ZNF451: variants seen among roughly 807,000 people sequenced by gnomAD.
The protein encoded by ZNF451 is E3 SUMO-protein ligase ZNF451.
In ZNF451, 80 loss-of-function variants were observed where a neutral mutation model predicts 107.1. The ratio of observed to expected loss-of-function variants is 0.75; its 90% CI spans 0.62 to 0.90. The LOEUF (loss-of-function observed/expected upper bound fraction) is 0.90, where lower values mean the gene tolerates loss of function less well. Among genes scored for constraint, ZNF451 ranks in the 40% least tolerant of loss-of-function variants. ZNF451 has a pLI of 0.00. For missense variants in ZNF451, 1,107 were observed against 1,236.2 expected, an observed-to-expected ratio of 0.90 and a Z score of 1.57; for synonymous variants, 362 against 406.5, an observed-to-expected ratio of 0.89 and a Z score of 1.32.
At position 57,168,752 on chromosome 6, in the gene ZNF451, TA is replaced by T. The variant is rs927607274; in HGVS notation, c.*286del. The T allele has an allele frequency of 3.4e-6, 1 of 290,840 alleles. No homozygotes were observed. Among genetic ancestry groups the T allele is most frequent in the African/African-American group, 2.2e-5 (1 of 44,810 alleles). The allele number at this position is 290,840 out of a possible 1,614,324, so 18.0% of individuals were successfully genotyped here. Reference sequence around the variant, plus strand: ...AACTTTGAATTTATATATTTAGATTTAAAGGATTAAAAAAAAGGAAAGCTCT... The same window carrying T: ...AACTTTGAATTTATATATTTAGATTTAAGGATTAAAAAAAAGGAAAGCTCT... On this transcript the variant is annotated 3_prime_UTR_variant, in exon 15 of 15. Transcript: ENST00000370706.
chr6:57,113,318 T>G (rs905838672), intron 3 of ZNF451, among the ~76,000 whole-genome samples: 6 of 147,146 alleles, frequency 4.1e-5, no homozygotes, highest in Non-Finnish European at 1.5e-5. Context: ...ATGTCATTCT[T>G]TTTTTTTTTT....
chr6:57,163,542 C>T (rs1428527196), intron 14 of ZNF451, among the ~76,000 whole-genome samples: 4 of 141,760 alleles, frequency 2.8e-5, no homozygotes, highest in African/African-American at 7.8e-5. Context: ...GCTCCGCCTC[C>T]CGGGTTCACG....
chr6:57,106,811 C>A, intron 3 of ZNF451: 1 of 985,012 alleles, frequency 1.0e-6, no homozygotes, highest in Non-Finnish European at 1.2e-6. Context: ...AGTAGATACA[C>A]AAACCAGTCT....
At chr6:57,108,560 G>C (rs867445643) in intron 3 of ZNF451, 2 of 985,198 alleles carry the variant, frequency 2.0e-6, no homozygotes, top group East Asian at 1.1e-4. Flanking sequence ...CTACTGTTAG[G>C]TATGCAGCCC....
intron 3 of ZNF451, chr6:57,102,972 A>G (rs958352380): frequency 1.0e-6 from 1 of 985,394 alleles, no homozygotes; most frequent in Non-Finnish European, 1.2e-6. Context: ...GTAGTCTCTC[A>G]CTGTAAGCTG....
Position 57,168,541 on chromosome 6 carries a change from T to C in ZNF451, c.*72T>C, listed in dbSNP as rs1764003462. 1 of 1,220,080 alleles carries C rather than the reference T, an allele frequency of 8.2e-7. No individual in the cohort carries two copies. Among genetic ancestry groups the C allele is most frequent in the Non-Finnish European group, 1.2e-6 (1 of 840,610 alleles). 75.6% of individuals were successfully genotyped at this position (1,220,080 alleles called of 1,614,324 possible). ...ATAACGAATTCTTGAGTTTGTTTTC[T>C]AAAGGAGACCAGAAATCCACTATTA... is the stretch of plus-strand genomic sequence containing the variant. On this transcript the variant is annotated 3_prime_UTR_variant, in exon 15 of 15. Coordinates refer to ENST00000370706, the MANE Select transcript of ZNF451 (RefSeq NM_001031623.3).
In ZNF451 at chr6:57,124,798, G is replaced by T. The variant is rs763095241; in HGVS notation, c.251G>T (p.Arg84Leu). The T allele has an allele frequency of 1.7e-5, 27 of 1,611,014 alleles. No individual in the cohort carries two copies. Among genetic ancestry groups the T allele is most frequent in the Non-Finnish European group, 2.3e-5 (27 of 1,177,862 alleles). Residue 84 changes from arginine (R) to leucine (L), a missense_variant, in exon 4 of 15, where the codon CGT becomes CTT. By Grantham distance (102) the Arg-to-Leu change is moderately radical. Coordinates refer to ENST00000370706, the MANE Select transcript of ZNF451 (RefSeq NM_001031623.3). ...GATAAAGTTGCTTTAACTCTGGCTC[G>T]TCTAGCCCGCCATGTTGAAGTGGAG... ...QKDKVALTLA[R>L]LARHVEVEKQ...
intron 14 of ZNF451, among the ~76,000 whole-genome samples, chr6:57,161,637 C>T (rs1763677676): frequency 6.6e-6 from 1 of 152,068 alleles, no homozygotes; most frequent in Non-Finnish European, 1.5e-5. Flanking sequence ...TAAAAGCAAG[C>T]ACTTATATCT....
intron 2 of ZNF451, among the ~76,000 whole-genome samples, chr6:57,098,233 A>C (rs1434804171): frequency 6.6e-6 from 1 of 151,104 alleles, no homozygotes; most frequent in Non-Finnish European, 1.5e-5. Flanking sequence ...TCTGTACTAA[A>C]AGTACACAAA....
rs760850598 is a variant in ZNF451, at chr6:57,148,622, A to G, written c.2537A>G (p.Gln846Arg). Residue 846 changes from glutamine (Q) to arginine (R), a missense_variant, in exon 10 of 15, where the codon CAG (glutamine) becomes CGG (arginine). By Grantham distance (43) the Gln-to-Arg change is conservative. Transcript: ENST00000370706. ...SASHTERKLK[Q>R]AINYSKSLDM... ...TCACATACAGAGAGAAAACTGAAAC[A>G]GGCAATAAACTATTCAAAAAGTTTA... The G allele has an allele frequency of 6.2e-6, 10 of 1,614,106 alleles. No homozygotes were observed. Among genetic ancestry groups the G allele is most frequent in the East Asian group, 4.5e-5 (2 of 44,882 alleles).
chr6:57,118,633 C>T (rs1450982766), intron 3 of ZNF451, among the ~76,000 whole-genome samples: 1 of 151,758 alleles, frequency 6.6e-6, no homozygotes, highest in Non-Finnish European at 1.5e-5. Flanking sequence ...TAGGCACATG[C>T]CACCACACCC....
At position 57,099,129 on chromosome 6, in the gene ZNF451, C is replaced by A. The variant is rs750268904; in HGVS notation, c.174C>A (p.Thr58=). The A allele has an allele frequency of 9.9e-6, 16 of 1,609,750 alleles. No homozygotes were observed. Among genetic ancestry groups the A allele is most frequent in the Non-Finnish European group, 1.4e-5 (16 of 1,176,158 alleles). Residue 58 remains threonine, a synonymous_variant, in exon 3 of 15, where the codon ACC becomes ACA. Transcript: ENST00000370706. ...LVSSDDEEPS[T]SYTDENIKRK... ...GCAGTGATGATGAAGAGCCTAGCACCTCTTATACTGATGTAAGTACATTAT... is the reference window on the plus strand; with the variant it reads ...GCAGTGATGATGAAGAGCCTAGCACATCTTATACTGATGTAAGTACATTAT...
At chr6:57,113,580 T>TCCCCC (rs1830213146) in intron 3 of ZNF451, among the ~76,000 whole-genome samples, 1 of 152,018 alleles carries the variant, frequency 6.6e-6, no homozygotes, top group Non-Finnish European at 1.5e-5. Flanking sequence ...GAATTTAATA[T>TCCCCC]TTGTAAAAAA....
chr6:57,123,645 A>G (rs761446992), intron 3 of ZNF451, among the ~76,000 whole-genome samples: 5 of 151,964 alleles, frequency 3.3e-5, no homozygotes, highest in South Asian at 2.1e-4. Context: ...AAACCCTCAC[A>G]TGTACCCTTG....
At chr6:57,113,334 GTA>G (rs1334980802) in intron 3 of ZNF451, among the ~76,000 whole-genome samples, 10 of 149,020 alleles carry the variant, frequency 6.7e-5, no homozygotes, top group Non-Finnish European at 1.3e-4. Context: ...TTTTTTGGCC[GTA>G]TAGTAGTCCG....
chr6:57,129,194 AT>A (rs1270330760), intron 5 of ZNF451, among the ~76,000 whole-genome samples: 1 of 152,200 alleles, frequency 6.6e-6, no homozygotes, highest in East Asian at 1.9e-4. Context: ...AGGAAATGGA[AT>A]TTAAACTGAG....
At chr6:57,123,301 T>G (rs535991113) in intron 3 of ZNF451, among the ~76,000 whole-genome samples, 3 of 152,216 alleles carry the variant, frequency 2.0e-5, no homozygotes, top group Non-Finnish European at 4.4e-5. Context: ...GTGGTATATG[T>G]ACACTGTGGA....
In ZNF451 at chr6:57,141,979, C is replaced by T. The variant is rs368454642; in HGVS notation, c.888C>T (p.Phe296=). The change falls in exon 9 of 15, where the codon TTC becomes TTT. Residue 296 remains phenylalanine, a synonymous_variant. Transcript: ENST00000370706. ...DNKGIAHPIS[F]PSFAKKLLIS... ...AAGGAATTGCACATCCAATATCTTT[C>T]CCATCTTTTGCAAAGAAACTTTTGA... 1.9e-6 allele frequency: 3 copies of T among 1,613,912 alleles called. No individual in the cohort carries two copies. The highest frequency in any genetic ancestry group is 2.5e-6 in the Non-Finnish European group (3 of 1,179,892).
chr6:57,159,976 T>G, intron 13 of ZNF451, among the ~76,000 whole-genome samples: 1 of 152,344 alleles, frequency 6.6e-6, no homozygotes, highest in East Asian at 1.9e-4. Flanking sequence ...TTTATATTTG[T>G]ATAATTATGT....
Sources: allele counts gnomAD v4.1 joint callset (sites outside exome capture counted in the v4.1 genomes callset), GRCh38; gene constraint gnomAD v4.1.1; transcripts MANE v1.5; gene names NCBI Gene and HGNC (gene_info 2026-07-23, HGNC 2026-07-21).